Variants in EXD3 observed in about 807,000 individuals in gnomAD.
EXD3 encodes exonuclease mut-7 homolog.
A neutral mutation model predicts 98.0 loss-of-function variants in EXD3; 92 were observed. The observed-to-expected ratio is 0.94, with a 90% CI of 0.79 to 1.12. EXD3 has a LOEUF of 1.12. Ranked by LOEUF, EXD3 falls within the 50% of genes most tolerant of loss-of-function variation. The pLI is 0.00. For synonymous variants in EXD3, 569 were observed against 526.0 expected (o/e 1.08, Z -1.12); for missense variants, 1,222 against 1,191.6 (o/e 1.03, Z -0.38).
Position 137,349,584 on chromosome 9 carries a change from G to T in EXD3, c.1495-53C>A, listed in dbSNP as rs774890800. The T allele has an allele frequency of 2.7e-6, 4 of 1,479,614 alleles. No homozygotes were observed. The highest frequency in any genetic ancestry group is 3.6e-6 in the Non-Finnish European group (4 of 1,117,326). 91.7% of individuals were successfully genotyped at this position (1,479,614 alleles called of 1,614,324 possible). ...CGCGTCTGGCCCTGGCGGCAGCACA[G>T]TCACCGTGCCCACTCACACCAGCCC... On this transcript the variant is annotated intron_variant, in intron 14 of 21. Transcript: ENST00000340951. This position sits in a 1 kb window ranked among gnomAD's most constrained non-coding sequence, Gnocchi z 7.4.
chr9:137,320,132 C>T (rs1488517886), intron 19 of EXD3, among the ~76,000 whole-genome samples: 1 of 152,156 alleles, frequency 6.6e-6, no homozygotes, highest in Non-Finnish European at 1.5e-5. Context: ...CACCACCCAG[C>T]ATCTGCGGGA....
At chr9:137,392,576 T>C in intron 2 of EXD3, 2 of 235,940 alleles carry the variant, frequency 8.5e-6, no homozygotes, top group South Asian at 5.6e-5. Context: ...CTTGTGGAGC[T>C]GGCCTTGTTG....
intron 17 of EXD3, chr9:137,343,429 C>G (rs1252097269): frequency 2.7e-5 from 1 of 36,546 alleles, no homozygotes; most frequent in Non-Finnish European, 5.9e-5. Flanking sequence ...CAGCCCATCC[C>G]ATTATATCCA....
At chr9:137,325,858 G>A (rs1374329988) in intron 17 of EXD3, among the ~76,000 whole-genome samples, 1 of 152,126 alleles carries the variant, frequency 6.6e-6, no homozygotes, top group African/African-American at 2.4e-5. Context: ...GGGAGGCTGC[G>A]ATGGGTAGAT....
chr9:137,342,864 G>C (rs1833717858), intron 17 of EXD3, among the ~76,000 whole-genome samples: 1 of 152,224 alleles, frequency 6.6e-6, no homozygotes, highest in Non-Finnish European at 1.5e-5. Flanking sequence ...GCTCATGCCT[G>C]TAATCCCAGC....
In EXD3 at chr9:137,403,303, C is replaced by T. The variant is rs1158306495; in HGVS notation, c.-47-7899G>A. On this transcript the variant is annotated intron_variant, in intron 1 of 21. Coordinates refer to ENST00000340951, the MANE Select transcript of EXD3 (RefSeq NM_017820.5). This position sits in a 1 kb window ranked among gnomAD's most constrained non-coding sequence, Gnocchi z 6.1. Reference sequence around the variant, plus strand: ...AGAAGATGCAGACCCGAACGCGTCTCCTCCCGGCTGGTCTGTCCAGGAAAA... The same window carrying T: ...AGAAGATGCAGACCCGAACGCGTCTTCTCCCGGCTGGTCTGTCCAGGAAAA... 6.6e-6 allele frequency among the ~76,000 whole-genome samples: 1 copy of T among 152,028 alleles called. No individual in the cohort carries two copies. The highest frequency in any genetic ancestry group is 2.4e-5 in the African/African-American group (1 of 41,386).
chr9:137,333,290 C>T (rs1013715390), intron 17 of EXD3, among the ~76,000 whole-genome samples: 2 of 152,204 alleles, frequency 1.3e-5, no homozygotes, highest in African/African-American at 2.4e-5. Flanking sequence ...GGGACTCAGA[C>T]GGATCCACCA....
chr9:137,315,911 G>T (rs1831623709), intron 19 of EXD3, among the ~76,000 whole-genome samples: 1 of 151,544 alleles, frequency 6.6e-6, no homozygotes, highest in South Asian at 2.1e-4. Flanking sequence ...CTCCCTCCGG[G>T]GGCTCCGGGG....
At chr9:137,404,587 G>A (rs895289539) in intron 1 of EXD3, among the ~76,000 whole-genome samples, 8 of 152,216 alleles carry the variant, frequency 5.3e-5, no homozygotes, top group East Asian at 1.9e-4. Context: ...CCGGCCAGGC[G>A]CGGTGGCTCA....
At chr9:137,404,589 G>T (rs1388636236) in intron 1 of EXD3, among the ~76,000 whole-genome samples, 1 of 152,228 alleles carries the variant, frequency 6.6e-6, no homozygotes, top group Non-Finnish European at 1.5e-5. Flanking sequence ...GGCCAGGCGC[G>T]GTGGCTCATG....
At chr9:137,350,639 G>T (rs1277500338) in intron 14 of EXD3, among the ~76,000 whole-genome samples, 1 of 145,978 alleles carries the variant, frequency 6.9e-6, no homozygotes, top group African/African-American at 2.5e-5. Flanking sequence ...GGGGATCACG[G>T]GGAGGGTTCT....
intron 17 of EXD3, among the ~76,000 whole-genome samples, chr9:137,333,459 C>G (rs953990047): frequency 2.0e-5 from 3 of 152,150 alleles, no homozygotes; most frequent in African/African-American, 7.2e-5. Flanking sequence ...CTACAAGGCT[C>G]TGTGGTATAA....
At chr9:137,380,354 C>T (rs1161216207) in intron 3 of EXD3, among the ~76,000 whole-genome samples, 1 of 108,236 alleles carries the variant, frequency 9.2e-6, no homozygotes, top group Non-Finnish European at 1.9e-5. Context: ...CCCCAACCCC[C>T]GTCCGGGCAT....
intron 2 of EXD3, among the ~76,000 whole-genome samples, chr9:137,383,751 A>C (rs1836442359): frequency 6.6e-6 from 1 of 151,994 alleles, no homozygotes; most frequent in Admixed American, 6.6e-5. Context: ...TTCTCACCCA[A>C]ACCCTGCACC....
In EXD3 at chr9:137,351,361, C is replaced by T. The variant is rs753844140; in HGVS notation, c.1341G>A (p.Arg447=). 3 of 1,611,796 alleles carry T rather than the reference C, an allele frequency of 1.9e-6. No individual in the cohort carries two copies. Among genetic ancestry groups the T allele is most frequent in the Non-Finnish European group, 2.5e-6 (3 of 1,179,614 alleles). ...PTGQGAQAFS[R]LVAQLLSDPS... ...GGTCCGAGAGGAGCTGGGCCACCAG[C>T]CGGGAAAAGGCCTGGGCTCCCTGCC... Residue 447 remains arginine, a synonymous_variant, in exon 13 of 22, where the codon CGG becomes CGA. Transcript: ENST00000340951.
At chr9:137,419,287 A>G (rs1160410805) in intron 1 of EXD3, among the ~76,000 whole-genome samples, 1 of 152,246 alleles carries the variant, frequency 6.6e-6, no homozygotes, top group East Asian at 1.9e-4. Flanking sequence ...GAAGTAACCA[A>G]ATTCCCTGCC....
intron 2 of EXD3, among the ~76,000 whole-genome samples, chr9:137,384,471 G>A (rs757133500): frequency 2.0e-5 from 3 of 152,232 alleles, no homozygotes; most frequent in African/African-American, 4.8e-5. Context: ...GGCAGGGAGC[G>A]CCCTGAACTG....
Position 137,373,131 on chromosome 9 carries a change from C to T in EXD3, c.295-59G>A. The stretch of plus-strand genomic sequence containing the variant: ...AGCACCCAGTGGCTGGGCCATGGGG[C>T]CGATTGAGGCAGGCCTGGCTTAGGA... On this transcript the variant is annotated intron_variant, in intron 4 of 21. Coordinates refer to ENST00000340951, the MANE Select transcript of EXD3 (RefSeq NM_017820.5). 2.7e-6 allele frequency: 4 copies of T among 1,498,072 alleles called. No individual in the cohort carries two copies. In the East Asian group the frequency reaches 9.1e-5, roughly 34 times the overall value. The allele number at this position is 1,498,072 out of a possible 1,614,324, so 92.8% of individuals were successfully genotyped here.
At chr9:137,374,282 C>T (rs1442625620) in intron 3 of EXD3, among the ~76,000 whole-genome samples, 5 of 152,212 alleles carry the variant, frequency 3.3e-5, no homozygotes, top group African/African-American at 7.2e-5. Flanking sequence ...GCTCAGCGCT[C>T]GGGACAGGGC....
Sources: allele counts gnomAD v4.1 joint callset (sites outside exome capture counted in the v4.1 genomes callset), GRCh38; gene constraint gnomAD v4.1.1; non-coding constraint Gnocchi (gnomAD v3.1); transcripts MANE v1.5; gene names NCBI Gene and HGNC (gene_info 2026-07-23, HGNC 2026-07-21).